Variants in PCDHGB3 observed in about 807,000 individuals in gnomAD.
PCDHGB3 encodes the protein protocadherin gamma-B3.
Under a neutral mutation model 59.2 loss-of-function variants are expected in PCDHGB3, and 40 were observed. The ratio of observed to expected loss-of-function variants is 0.68; its 90% CI spans 0.52 to 0.88. The LOEUF (loss-of-function observed/expected upper bound fraction) is 0.88, where lower values mean the gene tolerates loss of function less well. Among genes scored for constraint, PCDHGB3 ranks in the 40% least tolerant of loss-of-function variants. The pLI is 0.00. For synonymous variants in PCDHGB3, 581 were observed against 503.6 expected (o/e 1.15, Z -2.06); for missense variants, 1,309 against 1,187.9 (o/e 1.10, Z -1.50).
rs115035052 is a variant in PCDHGB3 at position 141,382,317 on chromosome 5, G to A, written c.2415+9508G>A. ...TTAATTAAAATTTATATACACTGAT[G>A]TAAATATTTTCTAAGTAAAATCTTT... On this transcript the variant is annotated intron_variant, in intron 1 of 3. Coordinates refer to ENST00000576222, the MANE Select transcript of PCDHGB3 (RefSeq NM_018924.5). Among the ~76,000 whole-genome samples the A allele has an allele frequency of 4.6e-3, 694 of 152,278 alleles. 4 individuals are homozygous for A. The highest frequency in any genetic ancestry group is 0.015 in the African/African-American group (631 of 41,554).
rs199537783 is a variant in PCDHGB3 at position 141,389,536 on chromosome 5, A to G, written c.2415+16727A>G. 177 of 1,613,198 alleles carry G rather than the reference A, an allele frequency of 1.1e-4. No individual in the cohort carries two copies. Among genetic ancestry groups the G allele is most frequent in the Middle Eastern group, 9.9e-4 (6 of 6,036 alleles). On this transcript the variant is annotated intron_variant, in intron 1 of 3. Coordinates refer to ENST00000576222, the MANE Select transcript of PCDHGB3 (RefSeq NM_018924.5). ...AACGTGAGCCTGCGCGTGTTAGTGG[A>G]CGACCGCAACGACAATGCGCCACGG...
intron 1 of PCDHGB3, chr5:141,400,256 G>T (rs756430299): frequency 8.1e-6 from 13 of 1,613,868 alleles, no homozygotes; most frequent in Non-Finnish European, 1.1e-5. Flanking sequence ...GTTGCCTTGC[G>T]CCTGCGACGC....
chr5:141,423,759 G>C, intron 1 of PCDHGB3: 1 of 321,042 alleles, frequency 3.1e-6, no homozygotes, highest in Non-Finnish European at 4.5e-6. Flanking sequence ...TTGGGGGGGG[G>C]GTGGGGCGGC....
At chr5:141,479,849 C>T (rs1014214860) in intron 1 of PCDHGB3, among the ~76,000 whole-genome samples, 7 of 152,208 alleles carry the variant, frequency 4.6e-5, no homozygotes. Context: ...AAGGTGACTG[C>T]AAGGCCTTTG....
chr5:141,393,043 T>C (rs770560068), intron 1 of PCDHGB3: 1 of 1,613,732 alleles, frequency 6.2e-7, no homozygotes, highest in South Asian at 1.1e-5. Context: ...CTCTTTGCTC[T>C]GAACCCGCGC....
chr5:141,394,514 C>G (rs2093021412), intron 1 of PCDHGB3: 2 of 1,614,230 alleles, frequency 1.2e-6, no homozygotes, highest in South Asian at 1.1e-5. Context: ...ACCCCGCCCT[C>G]CCCACAGACG....
At chr5:141,410,404 G>A (rs79498912) in intron 1 of PCDHGB3, 32,650 of 1,614,014 alleles carry the variant, frequency 0.02, 588 homozygotes, top group African/African-American at 0.088. Context: ...TCTGTGTCAA[G>A]TCTGGACCTG....
chr5:141,384,334 C>T, intron 1 of PCDHGB3: 1 of 1,613,846 alleles, frequency 6.2e-7, no homozygotes. Flanking sequence ...TGCACAGGAC[C>T]ACGACAGTGA....
At chr5:141,421,618 G>A (rs748399893) in intron 1 of PCDHGB3, 1 of 1,613,766 alleles carries the variant, frequency 6.2e-7, no homozygotes, top group African/African-American at 1.3e-5. Context: ...TAATGATAAC[G>A]CCCCCAGCTT....
intron 1 of PCDHGB3, chr5:141,418,665 A>G: frequency 6.2e-7 from 1 of 1,614,070 alleles, no homozygotes; most frequent in Middle Eastern, 1.6e-4. Flanking sequence ...GCCACTGACC[A>G]GGACGAGGGC....
At position 141,487,444 on chromosome 5, in the gene PCDHGB3, T is replaced by G; in HGVS notation, c.2416-7363T>G. 1 of 1,614,194 alleles carries G rather than the reference T, an allele frequency of 6.2e-7. No individual in the cohort carries two copies. The highest frequency in any genetic ancestry group is 8.5e-7 in the Non-Finnish European group (1 of 1,180,040). ...TCCTCCGAATCCAGCTAGGGTCAGA[T>G]GACCCTATCAAGTTTGTTGATGTGG... On this transcript the variant is annotated intron_variant, in intron 1 of 3. Transcript: ENST00000576222. This position sits in a 1 kb window ranked among gnomAD's most constrained non-coding sequence, Gnocchi z 5.0.
At chr5:141,438,635 TACAC>T (rs56854727) in intron 1 of PCDHGB3, among the ~76,000 whole-genome samples, 720 of 33,094 alleles carry the variant, frequency 0.022, 7 homozygotes, top group Middle Eastern at 0.05. Context: ...TATATATATA[TACAC>T]ACACACACAC....
intron 1 of PCDHGB3, chr5:141,387,722 C>G: frequency 8.6e-7 from 1 of 1,159,212 alleles, no homozygotes; most frequent in Non-Finnish European, 1.2e-6. Flanking sequence ...TCAGACTCCC[C>G]AGCGCCAGCC....
intron 1 of PCDHGB3, chr5:141,419,209 G>C: frequency 6.2e-7 from 1 of 1,613,900 alleles, no homozygotes; most frequent in Admixed American, 1.7e-5. Context: ...ACAACGCGCC[G>C]GTTTTCGGAC....
intron 1 of PCDHGB3, chr5:141,419,601 C>T (rs753678898): frequency 6.2e-7 from 1 of 1,611,818 alleles, no homozygotes; most frequent in South Asian, 1.1e-5. Context: ...GTGCCGCGGG[C>T]CGCGCAGCCA....
intron 1 of PCDHGB3, chr5:141,398,001 A>T: frequency 5.0e-6 from 7 of 1,388,802 alleles, no homozygotes; most frequent in African/African-American, 4.4e-5. Flanking sequence ...CCTCCTCGGA[A>T]AAAGAATCGT....
At position 141,372,056 on chromosome 5, in the gene PCDHGB3, C is replaced by T. The variant is rs1228124665; in HGVS notation, c.1662C>T (p.Asp554=). ...TGAGCCTGCGCGTGTTGGTGGACGACCGCAACGACAATGCACCGCTGGTGC... is the reference window on the plus strand; with the variant it reads ...TGAGCCTGCGCGTGTTGGTGGACGATCGCAACGACAATGCACCGCTGGTGC... ...ANVSLRVLVD[D]RNDNAPLVLY... The change falls in exon 1 of 4, where the codon GAC becomes GAT. Residue 554 remains aspartate, a synonymous_variant. Transcript: ENST00000576222. The T allele has an allele frequency of 4.3e-6, 7 of 1,613,578 alleles. No individual in the cohort carries two copies. In the East Asian group the frequency reaches 1.6e-4, roughly 36 times the overall value.
In PCDHGB3 at chr5:141,432,184, C is replaced by G; in HGVS notation, c.2415+59375C>G. 1 of 1,614,164 alleles carries G rather than the reference C, an allele frequency of 6.2e-7. No individual in the cohort carries two copies. The highest frequency in any genetic ancestry group is 2.2e-5 in the East Asian group (1 of 44,872). On this transcript the variant is annotated intron_variant, in intron 1 of 3. Coordinates refer to ENST00000576222, the MANE Select transcript of PCDHGB3 (RefSeq NM_018924.5). This position sits in a 1 kb window ranked among gnomAD's most constrained non-coding sequence, Gnocchi z 6.0. Reference sequence around the variant, plus strand: ...GAGGAGTTTCCCTCGTCTCTGTGACCGCCCACGACCCCGACTGTGAAGAGA... The same window carrying G: ...GAGGAGTTTCCCTCGTCTCTGTGACGGCCCACGACCCCGACTGTGAAGAGA...
chr5:141,393,497 C>T (rs375522990), intron 1 of PCDHGB3: 705 of 1,613,952 alleles, frequency 4.4e-4, no homozygotes, highest in Non-Finnish European at 5.6e-4. Flanking sequence ...CAGTGCGCAT[C>T]CACGTGACAG....
Sources: gnomAD v4.1 joint callset for allele counts (sites outside exome capture counted in the v4.1 genomes callset) on GRCh38, gnomAD v4.1.1 for gene constraint, Gnocchi (gnomAD v3.1) non-coding constraint, MANE v1.5 for transcripts, NCBI Gene and HGNC (gene_info 2026-07-23, HGNC 2026-07-21) for gene names.